The following USP26 variants were observed in gnomAD, a reference collection of about 807,000 sequenced individuals.
USP26 encodes the protein ubiquitin specific peptidase 26.
For missense variants in USP26, 649 were observed against 642.3 expected (o/e 1.01, Z -0.11); for synonymous variants, 236 against 240.6 (o/e 0.98, Z 0.18).
chrX:133,071,457 A>G (rs2067530222), intron 5 of USP26, among the ~76,000 whole-genome samples: 1 of 110,396 alleles, frequency 9.1e-6, no homozygotes, highest in Non-Finnish European at 1.9e-5. Flanking sequence ...TTCCTCACAC[A>G]GGATATATCT....
At chrX:133,073,270 C>T (rs1384568375) in intron 5 of USP26, among the ~76,000 whole-genome samples, 1 of 103,560 alleles carries the variant, frequency 9.7e-6, no homozygotes, top group Non-Finnish European at 1.9e-5. Flanking sequence ...TATAATAGAA[C>T]TCCATGCTTA....
intron 5 of USP26, among the ~76,000 whole-genome samples, chrX:133,051,384 A>G (rs755649563): frequency 1.5e-4 from 17 of 112,024 alleles, no homozygotes; most frequent in African/African-American, 5.5e-4. Flanking sequence ...ATGAAGATGA[A>G]ATACAACCAG....
At chrX:133,044,563 G>A (rs993582617) in intron 5 of USP26, among the ~76,000 whole-genome samples, 6 of 113,198 alleles carry the variant, frequency 5.3e-5, no homozygotes, top group African/African-American at 1.3e-4. Flanking sequence ...CAGCAGTGCC[G>A]GCCCACTGGC....
intron 1 of USP26, among the ~76,000 whole-genome samples, chrX:133,092,593 C>T (rs2067611648): frequency 8.9e-6 from 1 of 111,991 alleles, no homozygotes; most frequent in Admixed American, 9.5e-5. Context: ...CTAATATTGG[C>T]TTTTGTGGGT....
At chrX:133,051,830 A>G (rs1196294144) in intron 5 of USP26, among the ~76,000 whole-genome samples, 7 of 112,373 alleles carry the variant, frequency 6.2e-5, no homozygotes, top group African/African-American at 1.9e-4. Context: ...CTTAGTTTTA[A>G]TCATTAATTC....
chrX:133,075,346 T>G (rs2067544500), intron 5 of USP26, among the ~76,000 whole-genome samples: 1 of 112,616 alleles, frequency 8.9e-6, no homozygotes. Flanking sequence ...CCACGTGTTT[T>G]CACATTTTCT....
intron 4 of USP26, among the ~76,000 whole-genome samples, chrX:133,088,510 G>A (rs1047228109): frequency 9.9e-5 from 11 of 111,244 alleles, no homozygotes; most frequent in Admixed American, 1.9e-4. Context: ...TGTGTGGCCC[G>A]GTTCCTAACA....
chrX:133,094,093 T>C (rs997967623), intron 1 of USP26, among the ~76,000 whole-genome samples: 4 of 111,329 alleles, frequency 3.6e-5, no homozygotes, highest in Non-Finnish European at 5.7e-5. Flanking sequence ...GCAAAAATCT[T>C]GTTTCTCAGT....
intron 5 of USP26, among the ~76,000 whole-genome samples, chrX:133,038,583 AT>A (rs1467164698): frequency 9.0e-6 from 1 of 111,475 alleles, no homozygotes; most frequent in Non-Finnish European, 1.9e-5. Flanking sequence ...TTTGTTGAGG[AT>A]TTTTACATTG....
At chrX:133,074,377 T>G (rs1341551336) in intron 5 of USP26, among the ~76,000 whole-genome samples, 1 of 112,267 alleles carries the variant, frequency 8.9e-6, no homozygotes, top group African/African-American at 3.2e-5. Flanking sequence ...TACCCTGTGC[T>G]TTTTTCACTT....
In USP26 at chrX:133,060,970, G is replaced by GTA. The variant is rs368546678; in HGVS notation, c.-77+22735_-77+22736dup. On this transcript the variant is annotated intron_variant, in intron 5 of 5. Transcript: ENST00000511190. ...CTAAGTAATCTAGAGATTATTTAAA[G>GTA]TACACAGGAGGACATAGGTAGATTA... 1.7e-4 allele frequency among the ~76,000 whole-genome samples: 19 copies of GTA among 111,894 alleles called. 1 individual carries two copies. The highest frequency in any genetic ancestry group is 6.2e-4 in the African/African-American group (19 of 30,861).
intron 5 of USP26, among the ~76,000 whole-genome samples, chrX:133,062,765 A>T (rs985474523): frequency 9.0e-6 from 1 of 110,985 alleles, no homozygotes; most frequent in Non-Finnish European, 1.9e-5. Context: ...TAAATCCACA[A>T]AGATGAGGAA....
intron 5 of USP26, among the ~76,000 whole-genome samples, chrX:133,046,745 CTGTT>C (rs900833889): frequency 8.9e-6 from 1 of 112,241 alleles, no homozygotes; most frequent in Admixed American, 9.4e-5. Flanking sequence ...CTATAACCCA[CTGTT>C]TGACAAAAAC....
At chrX:133,047,497 GC>G (rs768573563) in intron 5 of USP26, among the ~76,000 whole-genome samples, 12 of 112,072 alleles carry the variant, frequency 1.1e-4, no homozygotes, top group Non-Finnish European at 1.9e-4. Flanking sequence ...CATCAACATT[GC>G]TTTACTATTC....
At chrX:133,066,363 C>CA (rs2067511862) in intron 5 of USP26, among the ~76,000 whole-genome samples, 1 of 111,416 alleles carries the variant, frequency 9.0e-6, no homozygotes, top group South Asian at 3.7e-4. Flanking sequence ...CACAGAACTA[C>CA]AAAAAACTAC....
intron 1 of USP26, among the ~76,000 whole-genome samples, chrX:133,092,621 T>C (rs1408372570): frequency 8.9e-6 from 1 of 111,890 alleles, no homozygotes; most frequent in African/African-American, 3.2e-5. Flanking sequence ...TTGGAAAATA[T>C]CCCCTCTAGG....
intron 5 of USP26, among the ~76,000 whole-genome samples, chrX:133,043,882 C>CA (rs2067428025): frequency 9.1e-6 from 1 of 110,466 alleles, no homozygotes; most frequent in Admixed American, 9.6e-5. Context: ...GCCTGTGTTA[C>CA]AAAAAACAAA....
chrX:133,059,834 C>A (rs2067489066), intron 5 of USP26, among the ~76,000 whole-genome samples: 2 of 111,744 alleles, frequency 1.8e-5, no homozygotes, highest in Non-Finnish European at 3.8e-5. Context: ...AAATCACTGA[C>A]AATGATCTCC....
Position 133,028,156 on chromosome X carries a change from G to T in USP26, c.65C>A (p.Ser22Ter). 1 of 1,210,130 alleles carries T rather than the reference G, an allele frequency of 8.3e-7. No individual in the cohort carries two copies. Among genetic ancestry groups the T allele is most frequent in the Non-Finnish European group, 1.1e-6 (1 of 894,436 alleles). ...IGNCKTGISK[S>*]KEAFIEAVER... ...CACTGCTTCAATGAATGCTTCTTTT[G>T]ACTTAGATATCCCAGTCTTGCAGTT... Residue 22 changes from serine to a stop codon, truncating the protein, a stop_gained, in exon 6 of 6, where the codon TCA becomes TAA. Transcript: ENST00000511190. LOFTEE classifies it low-confidence loss of function (END_TRUNC).
Sources: allele counts gnomAD v4.1 joint callset (sites outside exome capture counted in the v4.1 genomes callset), GRCh38; gene constraint gnomAD v4.1.1; transcripts MANE v1.5; gene names NCBI Gene and HGNC (gene_info 2026-07-23, HGNC 2026-07-21).